Variants in MCCC1 observed in about 807,000 individuals in gnomAD.
MCCC1 encodes methylcrotonoyl-CoA carboxylase subunit alpha, mitochondrial.
MCCC1 carries 64 observed loss-of-function variants against 83.8 expected under a neutral mutation model. That is an observed-to-expected ratio of 0.76 (90% CI 0.62 to 0.94). MCCC1 has a LOEUF of 0.94. MCCC1 is among the 40% of genes least tolerant of loss of function. The pLI is 0.00. For synonymous variants in MCCC1, 322 were observed against 315.4 expected, an observed-to-expected ratio of 1.02 and a Z score of -0.22; for missense variants, 807 against 904.7, an observed-to-expected ratio of 0.89 and a Z score of 1.39.
intron 11 of MCCC1, 141 bp downstream of exon 11, chr3:183,041,426 G>A: frequency 1.1e-6 from 1 of 896,444 alleles, no homozygotes; most frequent in Non-Finnish European, 1.7e-6. Flanking sequence ...AAAAAGTAAT[G>A]GTTACTGAGA....
In MCCC1 at chr3:183,088,329, C is replaced by T. The variant is rs532574566; in HGVS notation, c.274-1541G>A. ...TCGAGCGATTCTCCTGCCTCAGCCT[C>T]CCGAGTAGCTGGAATTACAGGTGCA... is the stretch of plus-strand genomic sequence containing the variant. On this transcript the variant is annotated intron_variant, in intron 3 of 18. Coordinates refer to ENST00000265594, the MANE Select transcript of MCCC1 (RefSeq NM_020166.5). Among the ~76,000 whole-genome samples, 3 of 151,844 alleles carry T rather than the reference C, an allele frequency of 2.0e-5. No homozygotes were observed. In the South Asian group the frequency reaches 6.2e-4, roughly 32 times the overall value.
chr3:183,052,803 T>C, intron 8 of MCCC1, among the ~76,000 whole-genome samples: 1 of 85,688 alleles, frequency 1.2e-5, no homozygotes. Context: ...GAGTGAGACT[T>C]TGTCTCAAAA....
intron 11 of MCCC1, 64 bp downstream of exon 11, chr3:183,041,503 T>C: frequency 6.5e-7 from 1 of 1,548,652 alleles, no homozygotes; most frequent in Non-Finnish European, 8.9e-7. Flanking sequence ...TAAGAATGTG[T>C]CCAAAAACAA....
In MCCC1 at chr3:183,057,233, T is replaced by C. The variant is rs79343769; in HGVS notation, c.873+78A>G. On this transcript the variant is annotated intron_variant, in intron 8 of 18. Transcript: ENST00000265594. Reference sequence around the variant, plus strand: ...GTTTGAGGGGTGAGAGACACCAGATTCACAGATTTCTGATGTGAAAATCAG... The same window carrying C: ...GTTTGAGGGGTGAGAGACACCAGATCCACAGATTTCTGATGTGAAAATCAG... The C allele has an allele frequency of 6.5e-3, 7,652 of 1,183,638 alleles. 363 individuals are homozygous for C. The African/African-American group carries it at 0.1, about 16-fold the overall frequency. The allele number at this position is 1,183,638 out of a possible 1,614,324, so 73.3% of individuals were successfully genotyped here.
chr3:183,042,081 T>C (rs1714136403), intron 10 of MCCC1, among the ~76,000 whole-genome samples: 1 of 152,192 alleles, frequency 6.6e-6, no homozygotes, highest in Non-Finnish European at 1.5e-5. Context: ...ACACTCTCAG[T>C]TTTCATTTAA....
chr3:183,019,974 A>G (rs1712012867), intron 17 of MCCC1, among the ~76,000 whole-genome samples, 156 bp downstream of exon 17: 1 of 152,228 alleles, frequency 6.6e-6, no homozygotes, highest in African/African-American at 2.4e-5. Context: ...GGACTGTAAT[A>G]AACAATTTGA....
chr3:183,060,090 G>A (rs951866944), intron 7 of MCCC1, among the ~76,000 whole-genome samples: 20 of 152,016 alleles, frequency 1.3e-4, no homozygotes, highest in African/African-American at 4.6e-4. Context: ...TAATTCTTGT[G>A]GTATTCAAAT....
At chr3:183,086,340 T>G (rs1717889164) in intron 4 of MCCC1, among the ~76,000 whole-genome samples, 1 of 152,248 alleles carries the variant, frequency 6.6e-6, no homozygotes, top group African/African-American at 2.4e-5. Flanking sequence ...GGAAATATAT[T>G]TCTTTCTTGC....
At position 183,041,728 on chromosome 3, in the gene MCCC1, G is replaced by A. The variant is rs749352296; in HGVS notation, c.1106C>T (p.Pro369Leu). 1 of 1,614,138 alleles carries A rather than the reference G, an allele frequency of 6.2e-7. No homozygotes were observed. The highest frequency in any genetic ancestry group is 1.1e-5 in the South Asian group (1 of 91,078). ...CAGAGTTATTTCTTCCTGGCTCAAA[G>A]GAATCTTCTCTCCTGCTGCAATCTG... ...QLRIAAGEKIPLSQEEITLQG... is the reference protein window; with the variant it reads ...QLRIAAGEKILLSQEEITLQG... Residue 369 changes from proline (P) to leucine (L), a missense_variant, in exon 11 of 19, where the codon CCT (proline) becomes CTT (leucine). Transcript: ENST00000265594.
intron 9 of MCCC1, among the ~76,000 whole-genome samples, chr3:183,046,801 T>G (rs545485772): frequency 6.6e-6 from 1 of 152,220 alleles, no homozygotes; most frequent in Non-Finnish European, 1.5e-5. Flanking sequence ...AAATCAACAA[T>G]TTTTAAATTT....
intron 4 of MCCC1, among the ~76,000 whole-genome samples, chr3:183,079,933 C>T (rs562302498): frequency 2.0e-5 from 3 of 152,292 alleles, no homozygotes; most frequent in East Asian, 3.9e-4. Context: ...AAGCAACAGC[C>T]CAAGTAGTAC....
intron 8 of MCCC1, among the ~76,000 whole-genome samples, chr3:183,056,607 G>T (rs914254925): frequency 6.6e-6 from 1 of 152,088 alleles, no homozygotes; most frequent in Non-Finnish European, 1.5e-5. Context: ...CATCTGAAAT[G>T]GTAATTAAAA....
intron 4 of MCCC1, among the ~76,000 whole-genome samples, chr3:183,078,601 T>C (rs1165897728): frequency 2.0e-5 from 3 of 152,248 alleles, no homozygotes; most frequent in African/African-American, 7.2e-5. Context: ...GAACTGCTTT[T>C]GCTAACTTTA....
chr3:183,106,761 T>G (rs1368076115), intron 1 of MCCC1, among the ~76,000 whole-genome samples: 1 of 152,106 alleles, frequency 6.6e-6, no homozygotes, highest in Non-Finnish European at 1.5e-5. Context: ...CCTCCCAAAG[T>G]GCTGGGATTA....
intron 1 of MCCC1, among the ~76,000 whole-genome samples, chr3:183,114,142 A>C (rs564286824): frequency 6.6e-6 from 1 of 152,174 alleles, no homozygotes; most frequent in African/African-American, 2.4e-5. Flanking sequence ...GCAGTGCCCA[A>C]GAATTCGTCT....
At chr3:183,058,031 AAGAC>A (rs1715552711) in intron 7 of MCCC1, among the ~76,000 whole-genome samples, 1 of 152,260 alleles carries the variant, frequency 6.6e-6, no homozygotes, top group South Asian at 2.1e-4. Context: ...ATATTTTTAA[AAGAC>A]AGAAAATAGA....
intron 2 of MCCC1, 74 bp downstream of exon 2, chr3:183,094,485 G>T: frequency 2.2e-6 from 3 of 1,384,432 alleles, no homozygotes; most frequent in Admixed American, 1.7e-5. Flanking sequence ...TATATTAAGG[G>T]ATTAAACATT....
intron 8 of MCCC1, 46 bp from the exon 9 acceptor site, chr3:183,052,286 A>T: frequency 1.9e-6 from 3 of 1,547,648 alleles, no homozygotes; most frequent in Non-Finnish European, 2.7e-6. Flanking sequence ...AGCTTGCCTT[A>T]CTAGAAATTC....
At chr3:183,016,626 C>A (rs1343040667) in intron 18 of MCCC1, among the ~76,000 whole-genome samples, 4 of 152,228 alleles carry the variant, frequency 2.6e-5, no homozygotes, top group African/African-American at 9.6e-5. Context: ...TGACTGTACA[C>A]ATGCTCCTTG....
Sources: gnomAD v4.1 joint callset for allele counts (sites outside exome capture counted in the v4.1 genomes callset) on GRCh38, gnomAD v4.1.1 for gene constraint, MANE v1.5 for transcripts, NCBI Gene and HGNC (gene_info 2026-07-23, HGNC 2026-07-21) for gene names.